Variants in SOX6 observed in about 807,000 individuals in gnomAD.
The protein encoded by SOX6 is transcription factor SOX-6.
In SOX6, 11 loss-of-function variants were observed where a neutral mutation model predicts 97.8. That is an observed-to-expected ratio of 0.11 (90% CI 0.07 to 0.19). SOX6 has a LOEUF of 0.19. SOX6 is among the 10% of genes least tolerant of loss of function. The pLI is 1.00. For missense variants in SOX6, 810 were observed against 1,039.5 expected, an observed-to-expected ratio of 0.78 and a Z score of 3.04; for synonymous variants, 360 against 371.4, an observed-to-expected ratio of 0.97 and a Z score of 0.35.
chr11:16,599,072 A>C (rs2133976512), intron 4 of SOX6, among the ~76,000 whole-genome samples: 1 of 152,258 alleles, frequency 6.6e-6, no homozygotes, highest in East Asian at 1.9e-4. Flanking sequence ...ATCATCATTG[A>C]AGAGCATCAA....
intron 3 of SOX6, among the ~76,000 whole-genome samples, chr11:16,686,648 A>C (rs573491773): frequency 6.6e-6 from 1 of 152,204 alleles, no homozygotes; most frequent in Non-Finnish European, 1.5e-5. Context: ...AAGAAGTTAT[A>C]AACTTTCCCT....
intron 6 of SOX6, among the ~76,000 whole-genome samples, chr11:16,162,703 T>C (rs968454826): frequency 6.6e-6 from 1 of 152,210 alleles, no homozygotes; most frequent in Non-Finnish European, 1.5e-5. Flanking sequence ...TCTTTATAAA[T>C]TACCCAGTCT....
intron 3 of SOX6, among the ~76,000 whole-genome samples, chr11:16,248,557 A>G (rs986717541): frequency 6.6e-6 from 1 of 152,222 alleles, no homozygotes; most frequent in Non-Finnish European, 1.5e-5. Context: ...AAAGTTGCCA[A>G]GGCTTGGGCC....
intron 15 of SOX6, among the ~76,000 whole-genome samples, chr11:15,977,271 T>C (rs1853514374): frequency 1.3e-5 from 2 of 152,248 alleles, no homozygotes; most frequent in South Asian, 4.1e-4. Context: ...CCCGCCACTG[T>C]GATAATCTGG....
chr11:16,343,258 C>A (rs532533215), intron 1 of SOX6, among the ~76,000 whole-genome samples: 33 of 151,910 alleles, frequency 2.2e-4, no homozygotes, highest in Admixed American at 9.2e-4. Context: ...TATCAATAAT[C>A]ATTCACATTA....
intron 2 of SOX6, among the ~76,000 whole-genome samples, chr11:16,724,372 A>G (rs1848290664): frequency 6.6e-6 from 1 of 152,236 alleles, no homozygotes; most frequent in Admixed American, 6.5e-5. Flanking sequence ...AGTATGTAAC[A>G]AATGTAAAGC....
chr11:16,339,976 G>A (rs1484193211), intron 2 of SOX6, among the ~76,000 whole-genome samples: 1 of 152,008 alleles, frequency 6.6e-6, no homozygotes, highest in Non-Finnish European at 1.5e-5. Context: ...AATTAGTCTA[G>A]AAACTACCTT....
At chr11:16,442,366 G>A (rs763332241) in intron 1 of SOX6, among the ~76,000 whole-genome samples, 8 of 152,062 alleles carry the variant, frequency 5.3e-5, no homozygotes, top group Non-Finnish European at 1.2e-4. Flanking sequence ...CTGACCTTAT[G>A]CTTATGTGAA....
intron 6 of SOX6, among the ~76,000 whole-genome samples, chr11:16,117,932 T>C (rs942991611): frequency 2.0e-5 from 3 of 152,144 alleles, no homozygotes; most frequent in Admixed American, 6.5e-5. Flanking sequence ...TCTCCACATG[T>C]CTTTTCCAAG....
intron 4 of SOX6, among the ~76,000 whole-genome samples, chr11:16,518,892 C>A (rs762365219): frequency 3.9e-4 from 60 of 152,050 alleles, no homozygotes; most frequent in Non-Finnish European, 7.2e-4. Flanking sequence ...TTCAAAAAAC[C>A]TCTATTTCTC....
At chr11:16,557,754 C>A (rs1675297203) in intron 4 of SOX6, among the ~76,000 whole-genome samples, 1 of 151,516 alleles carries the variant, frequency 6.6e-6, no homozygotes, top group African/African-American at 2.4e-5. Context: ...TTCTTATCAC[C>A]ATTATTAGCT....
chr11:15,972,521 T>G lies in SOX6; in HGVS notation c.*288A>C. 2.3e-6 allele frequency: 1 copy of G among 440,664 alleles called. No homozygotes were observed. The highest frequency in any genetic ancestry group is 4.1e-6 in the Non-Finnish European group (1 of 244,348). 27.3% of individuals were successfully genotyped at this position (440,664 alleles called of 1,614,324 possible). A position where few individuals can be genotyped will look rare whatever the true frequency, so the allele number is the denominator to read the frequency against. On this transcript the variant is annotated 3_prime_UTR_variant, in exon 16 of 16. Transcript: ENST00000683767. The stretch of plus-strand genomic sequence containing the variant: ...AAAAGTAAGACAAAAATATAAGACT[T>G]GTAAGACATCTACGGGTTGAGATAA...
intron 4 of SOX6, among the ~76,000 whole-genome samples, chr11:16,194,460 A>T (rs1296801170): frequency 6.6e-6 from 1 of 152,230 alleles, no homozygotes; most frequent in East Asian, 1.9e-4. Context: ...TGCTCTTAGG[A>T]ATCACTTAGG....
At chr11:16,272,262 G>A (rs1200119914) in intron 3 of SOX6, among the ~76,000 whole-genome samples, 3 of 151,352 alleles carry the variant, frequency 2.0e-5, no homozygotes, top group Non-Finnish European at 1.5e-5. Context: ...AGAACAGTTC[G>A]AGGCTGGGAT....
intron 7 of SOX6, among the ~76,000 whole-genome samples, chr11:16,103,000 T>C (rs1002826956): frequency 6.6e-6 from 1 of 151,404 alleles, no homozygotes; most frequent in African/African-American, 2.4e-5. Context: ...CAAAAGCAAA[T>C]GCAACAAAAG....
At chr11:16,363,920 C>G (rs1039589053) in intron 1 of SOX6, among the ~76,000 whole-genome samples, 3 of 152,050 alleles carry the variant, frequency 2.0e-5, no homozygotes, top group African/African-American at 4.8e-5. Flanking sequence ...CATGGCAGAC[C>G]TAGCACAAAA....
intron 3 of SOX6, among the ~76,000 whole-genome samples, chr11:16,706,296 T>A (rs558948129): frequency 1.0e-4 from 15 of 148,596 alleles, no homozygotes; most frequent in Non-Finnish European, 1.5e-4. Flanking sequence ...AAAGTTTTTT[T>A]AATTAGCTGG....
intron 2 of SOX6, among the ~76,000 whole-genome samples, chr11:16,340,347 T>C (rs1378002441): frequency 6.6e-6 from 1 of 152,092 alleles, no homozygotes; most frequent in South Asian, 2.1e-4. Flanking sequence ...TTGAACTAGA[T>C]AATTAATGTC....
At chr11:16,608,797 G>A (rs565698264) in intron 4 of SOX6, among the ~76,000 whole-genome samples, 66 of 152,264 alleles carry the variant, frequency 4.3e-4, no homozygotes, top group African/African-American at 6.5e-4. Context: ...CTGTTATATG[G>A]ATAAGTCTTC....
Sources: allele counts gnomAD v4.1 joint callset (sites outside exome capture counted in the v4.1 genomes callset), GRCh38; gene constraint gnomAD v4.1.1; transcripts MANE v1.5; gene names NCBI Gene and HGNC (gene_info 2026-07-23, HGNC 2026-07-21).